GPR161: variants seen among roughly 807,000 people sequenced by gnomAD.
The protein encoded by GPR161 is G protein-coupled receptor 161.
A neutral mutation model predicts 39.2 loss-of-function variants in GPR161; 25 were observed. The ratio of observed to expected loss-of-function variants is 0.64; its 90% CI spans 0.47 to 0.89. The LOEUF (loss-of-function observed/expected upper bound fraction) is 0.89. Among genes scored for constraint, GPR161 ranks in the 40% least tolerant of loss-of-function variants. The pLI, the probability that GPR161 is intolerant of heterozygous loss-of-function variation, is 0.00. For synonymous variants in GPR161, 286 were observed against 276.6 expected (o/e 1.03, Z -0.34); for missense variants, 547 against 677.8 (o/e 0.81, Z 2.14).
At chr1:168,085,841 T>C (rs1208567315) in intron 5 of GPR161, 45 bp from the exon 6 acceptor site, 1 of 1,555,912 alleles carries the variant, frequency 6.4e-7, no homozygotes. Flanking sequence ...GAGCCAGGCC[T>C]GGGGACTACC....
Position 168,104,775 on chromosome 1 carries a change from C to G in GPR161, c.76G>C (p.Val26Leu). ...ATGGCGATGAACTGGGTGATGATGA[C>G]GCCCCCTTCGCCACCCTCCTCCTCA... is the stretch of plus-strand genomic sequence containing the variant. ...LTEEEGGEGG[V>L]IITQFIAIIV... The change falls in exon 2 of 6, where the codon GTC (valine) becomes CTC (leucine). Residue 26 changes from valine to leucine, a missense_variant. Val to Leu is a conservative substitution (Grantham distance 32). Coordinates refer to ENST00000682931, the MANE Select transcript of GPR161 (RefSeq NM_001375883.1). 1 of 1,613,892 alleles carries G rather than the reference C, an allele frequency of 6.2e-7. No homozygotes were observed. Among genetic ancestry groups the G allele is most frequent in the Non-Finnish European group, 8.5e-7 (1 of 1,179,912 alleles).
intron 1 of GPR161, among the ~76,000 whole-genome samples, chr1:168,118,145 G>A (rs1375571537): frequency 1.3e-5 from 2 of 152,158 alleles, no homozygotes; most frequent in African/African-American, 2.4e-5. Flanking sequence ...TGGACTTCAT[G>A]AAAATTTTAA....
intron 1 of GPR161, among the ~76,000 whole-genome samples, chr1:168,135,840 C>CGTGATCA (rs1699313123): frequency 6.6e-6 from 1 of 152,246 alleles, no homozygotes; most frequent in South Asian, 2.1e-4. Flanking sequence ...CACGGCTTCA[C>CGTGATCA]CGGGAGGTGG....
intron 5 of GPR161, among the ~76,000 whole-genome samples, chr1:168,087,342 T>G (rs893621315): frequency 2.0e-5 from 3 of 151,890 alleles, no homozygotes; most frequent in Admixed American, 1.3e-4. Flanking sequence ...TGGGTGTGTG[T>G]GTGTGTGTGT....
chr1:168,088,724 T>C (rs1032952983), intron 4 of GPR161: 1 of 152,308 alleles, frequency 6.6e-6, no homozygotes, highest in Non-Finnish European at 1.5e-5. Context: ...AGGGCCATCA[T>C]TCCTGATAAG....
intron 1 of GPR161, among the ~76,000 whole-genome samples, chr1:168,131,914 GA>G: frequency 2.6e-5 from 4 of 152,316 alleles, no homozygotes; most frequent in Admixed American, 2.6e-4. Context: ...GGAGGAATTA[GA>G]GGAAGTGTAA....
At chr1:168,134,799 C>T (rs1699244953) in intron 1 of GPR161, 2 of 976,822 alleles carry the variant, frequency 2.0e-6, no homozygotes, top group Non-Finnish European at 3.1e-6. Context: ...TGGAGACAGG[C>T]TTAGCAGCAC....
chr1:168,097,648 G>C (rs1307852963), intron 2 of GPR161, among the ~76,000 whole-genome samples: 1 of 152,134 alleles, frequency 6.6e-6, no homozygotes, highest in Non-Finnish European at 1.5e-5. Context: ...AAGGACTACG[G>C]GCTTCATTCA....
In GPR161 at chr1:168,098,474, T is replaced by A. The variant is rs1047897773; in HGVS notation, c.375-1242A>T. Among the ~76,000 whole-genome samples, 1 of 152,178 alleles carries A rather than the reference T, an allele frequency of 6.6e-6. No individual in the cohort carries two copies. The highest frequency in any genetic ancestry group is 2.4e-5 in the African/African-American group (1 of 41,442). On this transcript the variant is annotated intron_variant, in intron 2 of 5. Coordinates refer to ENST00000682931, the MANE Select transcript of GPR161 (RefSeq NM_001375883.1). This position sits in a 1 kb window ranked among gnomAD's most constrained non-coding sequence, Gnocchi z 4.1. ...GAGGGCAACATGTGTAAGGGACGGG[T>A]GGCCACACTGATGCCGCCTGGCAGG... is the stretch of plus-strand genomic sequence containing the variant.
upstream of GPR161, chr1:168,137,570 A>G: frequency 3.2e-6 from 2 of 631,384 alleles, no homozygotes; most frequent in Non-Finnish European, 5.6e-6. Context: ...GCCAGGGAGC[A>G]GTCATCACAA....
At chr1:168,115,861 C>T (rs1324154078) in intron 1 of GPR161, among the ~76,000 whole-genome samples, 1 of 151,940 alleles carries the variant, frequency 6.6e-6, no homozygotes, top group African/African-American at 2.4e-5. Context: ...CTGCAAGCTC[C>T]ACCTCCCGGG....
In GPR161 at chr1:168,086,943, G is replaced by A. The variant is rs527969834; in HGVS notation, c.1324+642C>T. Among the ~76,000 whole-genome samples, 13 of 152,176 alleles carry A rather than the reference G, an allele frequency of 8.5e-5. No homozygotes were observed. In the South Asian group the frequency reaches 2.3e-3, roughly 27 times the overall value. On this transcript the variant is annotated intron_variant, in intron 5 of 5. Coordinates refer to ENST00000682931, the MANE Select transcript of GPR161 (RefSeq NM_001375883.1). ...CATTTCTGAAGAGCCTCCTTACATC[G>A]GACAGCCCCTGGACTCCACCAAATC...
chr1:168,085,516 G>C lies in GPR161; in HGVS notation c.*15C>G. 5 of 1,600,604 alleles carry C rather than the reference G, an allele frequency of 3.1e-6. No individual in the cohort carries two copies. The highest frequency in any genetic ancestry group is 3.4e-6 in the Non-Finnish European group (4 of 1,170,292). ...CCAGCCTCTCAGGCTGCAGCCCCAC[G>C]GCACCCTGAGGCCCTCATCTCTGCT... On this transcript the variant is annotated 3_prime_UTR_variant, in exon 6 of 6. Coordinates refer to ENST00000682931, the MANE Select transcript of GPR161 (RefSeq NM_001375883.1).
intron 1 of GPR161, among the ~76,000 whole-genome samples, chr1:168,124,454 A>G (rs2102242959): frequency 6.6e-6 from 1 of 152,358 alleles, no homozygotes; most frequent in South Asian, 2.1e-4. Flanking sequence ...TATACAAAAC[A>G]TAATTTTCAT....
At chr1:168,137,025 C>A (rs1481669047), upstream of GPR161, 17 of 817,010 alleles carry the variant, frequency 2.1e-5, no homozygotes, top group Non-Finnish European at 2.5e-5. Context: ...GCGCCCCGCA[C>A]TGCCCCGCCC....
chr1:168,128,909 T>C (rs947559888), intron 1 of GPR161, among the ~76,000 whole-genome samples: 3 of 152,178 alleles, frequency 2.0e-5, no homozygotes, highest in Non-Finnish European at 2.9e-5. Flanking sequence ...TCCTATATTC[T>C]TGTTTTCCCA....
chr1:168,110,629 T>C (rs1697087157), intron 1 of GPR161, among the ~76,000 whole-genome samples: 1 of 145,512 alleles, frequency 6.9e-6, no homozygotes, highest in African/African-American at 2.5e-5. Context: ...TAAAAGCTTT[T>C]AAAAAGAAAA....
chr1:168,090,283 T>A (rs115490080), intron 4 of GPR161, among the ~76,000 whole-genome samples: 1,526 of 152,190 alleles, frequency 0.01, 28 homozygotes, highest in African/African-American at 0.035. Context: ...TCATTTTAAT[T>A]TTGCAAAGGC....
At chr1:168,110,509 GA>G (rs113090044) in intron 1 of GPR161, among the ~76,000 whole-genome samples, 1,422 of 25,848 alleles carry the variant, frequency 0.055, 147 homozygotes, top group African/African-American at 0.18. Context: ...CATTAAAAAA[GA>G]AAAAAAAAAA....
Sources: gnomAD v4.1 joint callset for allele counts (sites outside exome capture counted in the v4.1 genomes callset) on GRCh38, gnomAD v4.1.1 for gene constraint, Gnocchi (gnomAD v3.1) non-coding constraint, MANE v1.5 for transcripts, NCBI Gene and HGNC (gene_info 2026-07-23, HGNC 2026-07-21) for gene names.